Variants in KPNA3 observed in about 807,000 individuals in gnomAD.
The protein encoded by KPNA3 is importin subunit alpha-4.
A neutral mutation model predicts 73.8 loss-of-function variants in KPNA3; 13 were observed. The observed-to-expected ratio is 0.18, with a 90% CI of 0.11 to 0.28. The LOEUF (loss-of-function observed/expected upper bound fraction) is 0.28. KPNA3 is among the 10% of genes least tolerant of loss of function. The probability of loss-of-function intolerance (pLI) is 1.00; values close to 1 mark genes in which losing one functional copy is unlikely to be tolerated. For missense variants in KPNA3, 360 were observed against 618.1 expected (o/e 0.58, Z 4.43); for synonymous variants, 186 against 206.9 (o/e 0.90, Z 0.87).
chr13:49,749,426 C>T (rs1954643996), intron 1 of KPNA3, among the ~76,000 whole-genome samples: 1 of 152,186 alleles, frequency 6.6e-6, no homozygotes, highest in Non-Finnish European at 1.5e-5. Context: ...GAAATACAGG[C>T]ACCTCGATTC....
At position 49,699,531 on chromosome 13, in the gene KPNA3, C is replaced by T. The variant is rs1212765624; in HGVS notation, c.*2269G>A. On this transcript the variant is annotated 3_prime_UTR_variant, in exon 17 of 17. Transcript: ENST00000261667. ...AGTTTCCTTTATCTACGAAATGGTG[C>T]AATTCCAATTCAAAACTGGTAAGGT... 1 of 152,530 alleles carries T rather than the reference C, an allele frequency of 6.6e-6. No individual in the cohort carries two copies. The highest frequency in any genetic ancestry group is 1.5e-5 in the Non-Finnish European group (1 of 68,026). The allele number at this position is 152,530 out of a possible 1,614,324, so 9.4% of individuals were successfully genotyped here.
In KPNA3 at chr13:49,722,519, T is replaced by C. The variant is rs771348895; in HGVS notation, c.514A>G (p.Asn172Asp). ...FLRLLRSPHQ[N>D]VCEQAVWALG... is the part of the protein sequence containing the mutation. ...GCCCATACTGCTTGTTCACAAACAT[T>C]CTGATGTGGTGAACGAAGAAGTCTC... The change falls in exon 8 of 17, where the codon AAT becomes GAT. Residue 172 changes from asparagine (N) to aspartate (D), a missense_variant. Asn to Asp is a conservative substitution (Grantham distance 23). This residue lies in a region of KPNA3 where 287 missense variants were observed against 549.1 expected (regional missense o/e 0.52). Transcript: ENST00000261667. The C allele has an allele frequency of 6.2e-7, 1 of 1,612,272 alleles. No homozygotes were observed. The highest frequency in any genetic ancestry group is 8.5e-7 in the Non-Finnish European group (1 of 1,179,128).
chr13:49,785,876 G>A (rs1207958628), intron 1 of KPNA3, among the ~76,000 whole-genome samples: 1 of 152,200 alleles, frequency 6.6e-6, no homozygotes, highest in African/African-American at 2.4e-5. Context: ...TTTAGACACT[G>A]CATATGGTTA....
intron 1 of KPNA3, among the ~76,000 whole-genome samples, chr13:49,774,587 T>C (rs889469732): frequency 6.6e-6 from 1 of 152,156 alleles, no homozygotes; most frequent in African/African-American, 2.4e-5. Context: ...CACTATACAG[T>C]TCTCTCAGAA....
chr13:49,768,299 C>G (rs538689303), intron 1 of KPNA3, among the ~76,000 whole-genome samples: 28 of 142,128 alleles, frequency 2.0e-4, no homozygotes, highest in African/African-American at 6.8e-4. Flanking sequence ...AAAAAAAAAG[C>G]TGCTACATAG....
At chr13:49,742,124 T>C in intron 2 of KPNA3, among the ~76,000 whole-genome samples, 1 of 152,212 alleles carries the variant, frequency 6.6e-6, no homozygotes, top group East Asian at 1.9e-4. Flanking sequence ...AGCCAGTTTT[T>C]CCAAGACCAT....
intron 2 of KPNA3, among the ~76,000 whole-genome samples, chr13:49,743,140 T>C (rs542277636): frequency 6.6e-6 from 1 of 152,300 alleles, no homozygotes; most frequent in South Asian, 2.1e-4. Flanking sequence ...CAAAATCCCA[T>C]GGAGTAAAGT....
chr13:49,743,348 TGAA>T (rs924967958), intron 2 of KPNA3, among the ~76,000 whole-genome samples: 26 of 152,286 alleles, frequency 1.7e-4, no homozygotes, highest in African/African-American at 6.3e-4. Context: ...AATCTTCTCT[TGAA>T]GAGCTCTCCA....
intron 6 of KPNA3, among the ~76,000 whole-genome samples, chr13:49,727,237 C>G (rs1053622334): frequency 6.6e-6 from 1 of 151,808 alleles, no homozygotes; most frequent in Non-Finnish European, 1.5e-5. Flanking sequence ...CACCTGAGGT[C>G]GGGAGTTTGA....
At position 49,731,790 on chromosome 13, in the gene KPNA3, G is replaced by A. The variant is rs547034905; in HGVS notation, c.383+581C>T. 3.9e-5 allele frequency among the ~76,000 whole-genome samples: 6 copies of A among 152,318 alleles called. No homozygotes were observed. In the East Asian group the frequency reaches 1.2e-3, roughly 29 times the overall value. On this transcript the variant is annotated intron_variant, in intron 6 of 16. Transcript: ENST00000261667. ...CTAAACAAAAATGGAAATAGGGCCAGTTCCTCAAAAGATATCCAGTGGAGT... is the reference window on the plus strand; with the variant it reads ...CTAAACAAAAATGGAAATAGGGCCAATTCCTCAAAAGATATCCAGTGGAGT...
At chr13:49,709,461 C>A in intron 12 of KPNA3, 111 bp downstream of exon 12, 10 of 740,850 alleles carry the variant, frequency 1.3e-5, no homozygotes, top group East Asian at 3.2e-5. Flanking sequence ...TAATTCTCAT[C>A]TTCGCTGCAG....
In KPNA3 at chr13:49,722,195, G is replaced by A. The variant is rs1290091733; in HGVS notation, c.557-71C>T. On this transcript the variant is annotated intron_variant, in intron 8 of 16. Transcript: ENST00000261667. ...GAGAAAGTCTGAAATGTATGCAATG[G>A]CTCATGTGGGAACACTGACGTTCTA... 1.1e-5 allele frequency: 11 copies of A among 1,011,294 alleles called. No individual in the cohort carries two copies. The Admixed American group carries it at 1.7e-4, about 16-fold the overall frequency. 62.6% of individuals were successfully genotyped at this position (1,011,294 alleles called of 1,614,324 possible). A position where few individuals can be genotyped will look rare whatever the true frequency, so the allele number is the denominator to read the frequency against.
chr13:49,762,736 G>C (rs918996674), intron 1 of KPNA3, among the ~76,000 whole-genome samples: 3 of 151,726 alleles, frequency 2.0e-5, no homozygotes, highest in Non-Finnish European at 4.4e-5. Context: ...GCGGTAGGCC[G>C]CAGGGTCCTC....
chr13:49,767,437 A>G (rs1954818175), intron 1 of KPNA3, among the ~76,000 whole-genome samples: 1 of 151,896 alleles, frequency 6.6e-6, no homozygotes. Flanking sequence ...AAAAGAAGAA[A>G]AAAAGAATAA....
intron 1 of KPNA3, among the ~76,000 whole-genome samples, chr13:49,761,150 A>G (rs1051769955): frequency 6.6e-6 from 1 of 152,178 alleles, no homozygotes; most frequent in Non-Finnish European, 1.5e-5. Flanking sequence ...AACAGAAAAA[A>G]ATATTTTTTA....
intron 10 of KPNA3, among the ~76,000 whole-genome samples, chr13:49,711,887 C>T (rs1389049440): frequency 6.6e-6 from 1 of 152,092 alleles, no homozygotes; most frequent in African/African-American, 2.4e-5. Context: ...ACATATAACC[C>T]ACACCCCTTC....
At chr13:49,707,899 G>C (rs1169253916) in intron 12 of KPNA3, among the ~76,000 whole-genome samples, 2 of 152,046 alleles carry the variant, frequency 1.3e-5, no homozygotes, top group Non-Finnish European at 2.9e-5. Context: ...TGATGACGAA[G>C]AAGAAATGAT....
intron 1 of KPNA3, among the ~76,000 whole-genome samples, chr13:49,758,715 T>C (rs985096410): frequency 8.6e-5 from 13 of 151,706 alleles, no homozygotes; most frequent in African/African-American, 2.9e-4. Context: ...TGTATGTATG[T>C]ATATAAATAT....
chr13:49,755,839 G>A (rs921881623), intron 1 of KPNA3, among the ~76,000 whole-genome samples: 4 of 152,144 alleles, frequency 2.6e-5, no homozygotes. Context: ...CAGAAAAGAT[G>A]ATTTAAAAAT....
Sources: gnomAD v4.1 joint callset for allele counts (sites outside exome capture counted in the v4.1 genomes callset) on GRCh38, gnomAD v4.1.1 for gene constraint, gnomAD v4.1.1 regional missense constraint, MANE v1.5 for transcripts, NCBI Gene and HGNC (gene_info 2026-07-23, HGNC 2026-07-21) for gene names.